Variants in ARHGAP24 observed in about 807,000 individuals in gnomAD.
ARHGAP24 encodes the protein Rho GTPase activating protein 24.
A neutral mutation model predicts 76.4 loss-of-function variants in ARHGAP24; 50 were observed. The observed-to-expected ratio is 0.65, with a 90% confidence interval of 0.52 to 0.83. The LOEUF (loss-of-function observed/expected upper bound fraction) is 0.83, where lower values mean the gene tolerates loss of function less well. Ranked by LOEUF, ARHGAP24 falls within the 40% of genes least tolerant of loss-of-function variation. The pLI is 0.00. For missense variants in ARHGAP24, 930 were observed against 914.2 expected (o/e 1.02, Z -0.22); for synonymous variants, 345 against 323.3 (o/e 1.07, Z -0.72).
At position 85,995,463 on chromosome 4, in the gene ARHGAP24, C is replaced by T. The variant is rs1365212633; in HGVS notation, c.1809C>T (p.His603=). The change falls in exon 9 of 10, where the codon CAC becomes CAT. Residue 603 remains histidine, a synonymous_variant. Transcript: ENST00000395184. ...GGCCCCCGCAGGACGACCTTTCCCA[C>T]CCCAGGGACTATGAAAGCAAAAGTG... ...LDGPPQDDLS[H]PRDYESKSDH... 2.5e-6 allele frequency: 4 copies of T among 1,604,330 alleles called. No homozygotes were observed. In the African/African-American group the frequency reaches 5.4e-5, roughly 21 times the overall value.
intron 5 of ARHGAP24, 177 bp downstream of exon 5, chr4:85,942,450 C>G (rs1737007784): frequency 7.5e-6 from 5 of 662,372 alleles, no homozygotes; most frequent in Non-Finnish European, 1.0e-5. Flanking sequence ...AATTGGGCAC[C>G]TTAGATATCT....
At chr4:85,833,239 C>G (rs1266727564) in intron 3 of ARHGAP24, among the ~76,000 whole-genome samples, 1 of 152,284 alleles carries the variant, frequency 6.6e-6, no homozygotes, top group East Asian at 1.9e-4. Context: ...TGGAATGACA[C>G]ACTGTCAGCT....
At chr4:85,749,676 C>CT (rs1275694240) in intron 3 of ARHGAP24, among the ~76,000 whole-genome samples, 1 of 152,196 alleles carries the variant, frequency 6.6e-6, no homozygotes, top group African/African-American at 2.4e-5. Flanking sequence ...AGTGATTCTC[C>CT]TGCCTCAGCC....
At position 85,746,943 on chromosome 4, in the gene ARHGAP24, G is replaced by A. The variant is rs143495390; in HGVS notation, c.268+24971G>A. On this transcript the variant is annotated intron_variant, in intron 3 of 9. Transcript: ENST00000395184. ...GCTGGGATTTCAGGAGTGAGCCACC[G>A]CACCCAGCCTGATTGGCCTGTTTTA... Among the ~76,000 whole-genome samples the A allele has an allele frequency of 3.6e-3, 548 of 152,076 alleles. 7 individuals carry two copies. The highest frequency in any genetic ancestry group is 0.013 in the African/African-American group (527 of 41,458).
At chr4:85,774,908 T>A (rs1727255077) in intron 3 of ARHGAP24, among the ~76,000 whole-genome samples, 1 of 152,212 alleles carries the variant, frequency 6.6e-6, no homozygotes, top group Non-Finnish European at 1.5e-5. Context: ...ATTTGTCAAA[T>A]GCCTGTTTTA....
At chr4:85,954,588 A>G (rs1410265536) in intron 5 of ARHGAP24, among the ~76,000 whole-genome samples, 1 of 152,254 alleles carries the variant, frequency 6.6e-6, no homozygotes, top group Non-Finnish European at 1.5e-5. Context: ...CTTCGGCAGC[A>G]CATATACTAA....
chr4:85,652,226 G>A (rs1275665801), intron 2 of ARHGAP24, among the ~76,000 whole-genome samples: 1 of 151,998 alleles, frequency 6.6e-6, no homozygotes, highest in Admixed American at 6.6e-5. Context: ...TCTTTATTTT[G>A]TGATACCACT....
intron 3 of ARHGAP24, among the ~76,000 whole-genome samples, chr4:85,916,528 G>A (rs1446085751): frequency 1.3e-5 from 2 of 152,052 alleles, no homozygotes; most frequent in African/African-American, 4.8e-5. Flanking sequence ...AAATAAATAA[G>A]AGCTTATAGT....
intron 2 of ARHGAP24, among the ~76,000 whole-genome samples, chr4:85,655,879 AGAGT>A (rs1722153725): frequency 1.3e-5 from 2 of 149,036 alleles, no homozygotes; most frequent in African/African-American, 5.0e-5. Context: ...GTGCCTTGAA[AGAGT>A]AAGTATACTG....
chr4:85,851,774 G>A (rs1431936977), intron 3 of ARHGAP24, among the ~76,000 whole-genome samples: 1 of 152,112 alleles, frequency 6.6e-6, no homozygotes, highest in African/African-American at 2.4e-5. Flanking sequence ...TTGAATATTG[G>A]CCCCCACTCT....
intron 1 of ARHGAP24, among the ~76,000 whole-genome samples, chr4:85,522,777 G>A (rs150814900): frequency 4.6e-5 from 7 of 152,238 alleles, no homozygotes; most frequent in Admixed American, 1.3e-4. Context: ...TTGCTATCAT[G>A]TACTGCAATG....
At chr4:85,713,394 T>A (rs1340050493) in intron 2 of ARHGAP24, among the ~76,000 whole-genome samples, 1 of 152,182 alleles carries the variant, frequency 6.6e-6, no homozygotes. Context: ...TTTAAAAATA[T>A]ATTTTAAATA....
At chr4:85,624,160 G>C (rs908529366) in intron 2 of ARHGAP24, among the ~76,000 whole-genome samples, 4 of 152,138 alleles carry the variant, frequency 2.6e-5, no homozygotes, top group Non-Finnish European at 5.9e-5. Flanking sequence ...TCCCTGTCTT[G>C]TGCCCGTTTT....
chr4:85,689,034 C>G (rs934253703), intron 2 of ARHGAP24, among the ~76,000 whole-genome samples: 1 of 151,970 alleles, frequency 6.6e-6, no homozygotes, highest in African/African-American at 2.4e-5. Context: ...TATTTGGGCT[C>G]TTTTTTGGTT....
intron 6 of ARHGAP24, chr4:85,972,478 A>G (rs1001193228): frequency 5.5e-6 from 2 of 364,124 alleles, no homozygotes; most frequent in Non-Finnish European, 1.0e-5. Flanking sequence ...GCTGTGTCTC[A>G]TAATCTTTTA....
chr4:85,624,425 A>G (rs1256678592), intron 2 of ARHGAP24, among the ~76,000 whole-genome samples: 1 of 152,158 alleles, frequency 6.6e-6, no homozygotes, highest in Non-Finnish European at 1.5e-5. Context: ...CTTGCATCCC[A>G]GGGATGAAGC....
intron 3 of ARHGAP24, among the ~76,000 whole-genome samples, chr4:85,902,667 G>A (rs894181064): frequency 1.3e-5 from 2 of 152,080 alleles, no homozygotes; most frequent in African/African-American, 4.8e-5. Context: ...GCAATGGTGC[G>A]ATTTTGGCTC....
chr4:85,555,145 G>A (rs1011510131), intron 1 of ARHGAP24, among the ~76,000 whole-genome samples: 3 of 152,022 alleles, frequency 2.0e-5, no homozygotes, highest in African/African-American at 4.8e-5. Flanking sequence ...TTTCATCCTG[G>A]TTAAGAATTC....
intron 2 of ARHGAP24, among the ~76,000 whole-genome samples, chr4:85,629,630 G>A (rs1578092806): frequency 1.3e-5 from 2 of 152,136 alleles, no homozygotes; most frequent in African/African-American, 2.4e-5. Context: ...CTTATTCTTG[G>A]TCAGCAGTTT....
Sources: gnomAD v4.1 joint callset for allele counts (sites outside exome capture counted in the v4.1 genomes callset) on GRCh38, gnomAD v4.1.1 for gene constraint, MANE v1.5 for transcripts, NCBI Gene and HGNC (gene_info 2026-07-23, HGNC 2026-07-21) for gene names.